MECOM: variants seen among roughly 807,000 people sequenced by gnomAD.
The protein encoded by MECOM is histone-lysine N-methyltransferase MECOM.
In MECOM, 13 loss-of-function variants were observed where a neutral mutation model predicts 116.3. That is an observed-to-expected ratio of 0.11 (90% CI 0.07 to 0.18). MECOM has a LOEUF of 0.18. MECOM is among the 10% of genes least tolerant of loss of function. The pLI, the probability that MECOM is intolerant of heterozygous loss-of-function variation, is 1.00. For synonymous variants in MECOM, 528 were observed against 535.2 expected (o/e 0.99, Z 0.19); for missense variants, 1,299 against 1,509.0 (o/e 0.86, Z 2.31).
chr3:169,131,119 G>A lies in MECOM; in HGVS notation c.613+310C>T, dbSNP rs1160154449. Among the ~76,000 whole-genome samples, 5 of 152,118 alleles carry A rather than the reference G, an allele frequency of 3.3e-5. No individual in the cohort carries two copies. In the East Asian group the frequency reaches 9.6e-4, roughly 29 times the overall value. ...CAAAATCAAGCTCCCTGAAAGATCC[G>A]TTACACAGTGAAAGGATTCTCACCA... On this transcript the variant is annotated intron_variant, in intron 4 of 16. Transcript: ENST00000651503.
At chr3:169,415,412 C>T (rs1245412813) in intron 1 of MECOM, among the ~76,000 whole-genome samples, 3 of 152,112 alleles carry the variant, frequency 2.0e-5, no homozygotes, top group African/African-American at 7.2e-5. Context: ...AAAACTGGTA[C>T]CAGCCACTGC....
intron 1 of MECOM, among the ~76,000 whole-genome samples, chr3:169,654,022 C>T (rs1358789548): frequency 6.6e-6 from 1 of 152,276 alleles, no homozygotes; most frequent in African/African-American, 2.4e-5. Context: ...ATTGATAATG[C>T]TTATATGCAT....
At chr3:169,544,854 ACAC>A (rs1760521786) in intron 1 of MECOM, among the ~76,000 whole-genome samples, 1 of 152,080 alleles carries the variant, frequency 6.6e-6, no homozygotes, top group African/African-American at 2.4e-5. Flanking sequence ...GGAACAAAAC[ACAC>A]CAGGGCCTGT....
At chr3:169,341,739 C>CA (rs578130947) in intron 2 of MECOM, among the ~76,000 whole-genome samples, 64 of 121,876 alleles carry the variant, frequency 5.3e-4, no homozygotes, top group Admixed American at 1.4e-3. Context: ...GACTCCCTCT[C>CA]AAAAAAAAAA....
At chr3:169,378,482 A>C (rs1370520805) in intron 2 of MECOM, among the ~76,000 whole-genome samples, 2,456 of 43,614 alleles carry the variant, frequency 0.056, 288 homozygotes, top group Admixed American at 0.13. Flanking sequence ...AGCAAGAAAG[A>C]GAGAGAGAAA....
intron 2 of MECOM, among the ~76,000 whole-genome samples, chr3:169,252,311 GA>G (rs1225983655): frequency 2.0e-5 from 3 of 151,934 alleles, no homozygotes; most frequent in African/African-American, 7.2e-5. Flanking sequence ...TGAGATGGGG[GA>G]GAAGATATGC....
At chr3:169,191,778 G>C (rs571343307) in intron 2 of MECOM, among the ~76,000 whole-genome samples, 6 of 138,860 alleles carry the variant, frequency 4.3e-5, no homozygotes, top group Non-Finnish European at 9.2e-5. Flanking sequence ...AAGAAAGAAA[G>C]AAAGAAAGAA....
intron 1 of MECOM, among the ~76,000 whole-genome samples, chr3:169,538,894 T>C (rs766110495): frequency 6.6e-6 from 1 of 152,140 alleles, no homozygotes; most frequent in Non-Finnish European, 1.5e-5. Flanking sequence ...CATTTCATAA[T>C]CAGGGAAAAG....
intron 1 of MECOM, among the ~76,000 whole-genome samples, chr3:169,416,834 C>G (rs1738706535): frequency 6.6e-6 from 1 of 151,890 alleles, no homozygotes; most frequent in African/African-American, 2.4e-5. Context: ...TTTGACAAAA[C>G]TGACAAAAAC....
At chr3:169,437,165 C>G (rs1183984002) in intron 1 of MECOM, among the ~76,000 whole-genome samples, 1 of 152,154 alleles carries the variant, frequency 6.6e-6, no homozygotes, top group African/African-American at 2.4e-5. Flanking sequence ...GAAACCAAGG[C>G]TTACAATATT....
intron 1 of MECOM, among the ~76,000 whole-genome samples, chr3:169,540,166 A>C (rs1424214422): frequency 6.6e-6 from 1 of 152,162 alleles, no homozygotes; most frequent in African/African-American, 2.4e-5. Context: ...GTAGGCACCT[A>C]AAAGGGTGCA....
At chr3:169,534,666 G>A (rs191167729) in intron 1 of MECOM, among the ~76,000 whole-genome samples, 9 of 152,238 alleles carry the variant, frequency 5.9e-5, no homozygotes, top group African/African-American at 1.7e-4. Flanking sequence ...GAGCAAACTC[G>A]TAGTGCTTAC....
chr3:169,262,982 T>C (rs1757736416), intron 2 of MECOM, among the ~76,000 whole-genome samples: 1 of 150,230 alleles, frequency 6.7e-6, no homozygotes, highest in Admixed American at 6.6e-5. Flanking sequence ...CACTTACTCA[T>C]GTCTTTTCTT....
chr3:169,554,771 C>T (rs1219148948), intron 1 of MECOM, among the ~76,000 whole-genome samples: 2 of 152,186 alleles, frequency 1.3e-5, no homozygotes, highest in African/African-American at 4.8e-5. Context: ...CACCAAGGAG[C>T]AGCTAGTCAG....
intron 1 of MECOM, among the ~76,000 whole-genome samples, chr3:169,453,292 C>G (rs925311523): frequency 6.6e-6 from 1 of 152,152 alleles, no homozygotes; most frequent in African/African-American, 2.4e-5. Context: ...TGCAGGCTGA[C>G]AAATGGCCTA....
intron 2 of MECOM, among the ~76,000 whole-genome samples, chr3:169,190,221 C>A (rs1364134778): frequency 6.6e-6 from 1 of 151,956 alleles, no homozygotes; most frequent in African/African-American, 2.4e-5. Flanking sequence ...TAATCTAAAT[C>A]TAAACTTTCA....
chr3:169,539,931 AAAG>A (rs1178966756), intron 1 of MECOM, among the ~76,000 whole-genome samples: 6 of 152,218 alleles, frequency 3.9e-5, no homozygotes, highest in African/African-American at 9.6e-5. Context: ...AAGAGTGTAA[AAAG>A]AAGGACTCTG....
chr3:169,176,320 T>C (rs1443684673), intron 2 of MECOM, among the ~76,000 whole-genome samples: 1 of 151,956 alleles, frequency 6.6e-6, no homozygotes, highest in African/African-American at 2.4e-5. Flanking sequence ...ATATGCAACA[T>C]GAAATATAAG....
At position 169,565,173 on chromosome 3, in the gene MECOM, C is replaced by T. The variant is rs925068119; in HGVS notation, c.37+98163G>A. On this transcript the variant is annotated intron_variant, in intron 1 of 16. Coordinates refer to ENST00000651503, the MANE Select transcript of MECOM (RefSeq NM_004991.4). ...AGGGGTGTCCAGGGTCTGAACTCCA[C>T]GAGGGGAGAACTACCTTCCAATTCC... Among the ~76,000 whole-genome samples the T allele has an allele frequency of 2.0e-5, 3 of 152,080 alleles. No homozygotes were observed. The East Asian group carries it at 5.8e-4, about 29-fold the overall frequency.
Sources: allele counts gnomAD v4.1 joint callset (sites outside exome capture counted in the v4.1 genomes callset), GRCh38; gene constraint gnomAD v4.1.1; transcripts MANE v1.5; gene names NCBI Gene and HGNC (gene_info 2026-07-23, HGNC 2026-07-21).